DLGAP2: variants seen among roughly 807,000 people sequenced by gnomAD.
DLGAP2 encodes the protein DLG associated protein 2, also known as disks large-associated protein 2.
Under a neutral mutation model 100.3 loss-of-function variants are expected in DLGAP2, and 26 were observed. The ratio of observed to expected loss-of-function variants is 0.26; its 90% CI spans 0.19 to 0.36. The LOEUF (loss-of-function observed/expected upper bound fraction) is 0.36. Among genes scored for constraint, DLGAP2 ranks in the 10% least tolerant of loss-of-function variants. The pLI, the probability that DLGAP2 is intolerant of heterozygous loss-of-function variation, is 1.00. For missense variants in DLGAP2, 1,858 were observed against 1,453.2 expected (o/e 1.28, Z -4.53); for synonymous variants, 886 against 630.1 (o/e 1.41, Z -6.08).
intron 3 of DLGAP2, among the ~76,000 whole-genome samples, chr8:1,445,207 T>G (rs1327685562): frequency 6.7e-6 from 1 of 149,714 alleles, no homozygotes. Flanking sequence ...CATTTAGCAT[T>G]AGGTATATCT....
intron 2 of DLGAP2, among the ~76,000 whole-genome samples, chr8:1,035,978 T>C (rs1802107284): frequency 1.0e-5 from 1 of 99,276 alleles, no homozygotes; most frequent in African/African-American, 3.4e-5. Flanking sequence ...CGACCCCGCG[T>C]GTCACCGCGA....
chr8:1,556,055 C>T (rs185501776), intron 5 of DLGAP2, among the ~76,000 whole-genome samples: 188 of 152,318 alleles, frequency 1.2e-3, no homozygotes, highest in Middle Eastern at 6.8e-3. Context: ...TCAAGATGGT[C>T]GTGGATGCAG....
intron 2 of DLGAP2, among the ~76,000 whole-genome samples, chr8:1,180,258 A>G (rs906705906): frequency 2.0e-5 from 3 of 152,228 alleles, no homozygotes; most frequent in Non-Finnish European, 4.4e-5. Flanking sequence ...ACATATGTCC[A>G]TGTAACCCAC....
At chr8:797,797 CTGGAG>C (rs1167660403) in intron 1 of DLGAP2, among the ~76,000 whole-genome samples, 2 of 152,248 alleles carry the variant, frequency 1.3e-5, no homozygotes, top group African/African-American at 4.8e-5. Flanking sequence ...ATTGCCCAGG[CTGGAG>C]TGCAGGGGTG....
rs958630760 is a variant in DLGAP2, at chr8:1,176,685, G to C, written c.74-82166G>C. Among the ~76,000 whole-genome samples, 7 of 152,290 alleles carry C rather than the reference G, an allele frequency of 4.6e-5. 1 individual carries two copies. The highest frequency in any genetic ancestry group is 1.3e-4 in the Admixed American group (2 of 15,304). ...CAGGAAGGTGAAGGTCACCAGGGAG[G>C]CAGCCCAGGGCTCCGTCTGCCATGC... On this transcript the variant is annotated intron_variant, in intron 2 of 14. Coordinates refer to ENST00000637795, the MANE Select transcript of DLGAP2 (RefSeq NM_001346810.2).
At position 1,302,283 on chromosome 8, in the gene DLGAP2, ACCT is replaced by A. The variant is rs1800368071; in HGVS notation, c.106+43401_106+43403del. 1.4e-4 allele frequency: 18 copies of A among 129,878 alleles called. No individual in the cohort carries two copies. In the East Asian group the frequency reaches 3.5e-3, roughly 25 times the overall value. 8.0% of individuals were successfully genotyped at this position (129,878 alleles called of 1,614,324 possible). A position where few individuals can be genotyped will look rare whatever the true frequency, so the allele number is the denominator to read the frequency against. On this transcript the variant is annotated intron_variant, in intron 3 of 14. Coordinates refer to ENST00000637795, the MANE Select transcript of DLGAP2 (RefSeq NM_001346810.2). The stretch of plus-strand genomic sequence containing the variant: ...TGTGAGTTCCCGAGCTCTGCTCCAC[ACCT>A]GGGACCGGACTCGGAATTTTCTGTG...
chr8:1,140,099 G>A (rs192020017), intron 2 of DLGAP2, among the ~76,000 whole-genome samples: 6 of 152,172 alleles, frequency 3.9e-5, no homozygotes, highest in Admixed American at 1.3e-4. Context: ...CCAGTAAGAA[G>A]AATCATCTCC....
chr8:1,437,511 C>G (rs1201826758), intron 3 of DLGAP2, among the ~76,000 whole-genome samples: 4 of 152,112 alleles, frequency 2.6e-5, no homozygotes, highest in Non-Finnish European at 5.9e-5. Flanking sequence ...CTGACATCGA[C>G]CTAACCTCCT....
At chr8:1,492,053 C>T (rs1284125263) in intron 3 of DLGAP2, among the ~76,000 whole-genome samples, 1 of 152,294 alleles carries the variant, frequency 6.6e-6, no homozygotes, top group East Asian at 1.9e-4. Context: ...AGTGGGGTTG[C>T]TTCATTAGTG....
At chr8:1,459,623 C>T (rs1268433444) in intron 3 of DLGAP2, among the ~76,000 whole-genome samples, 1 of 151,748 alleles carries the variant, frequency 6.6e-6, no homozygotes, top group Non-Finnish European at 1.5e-5. Flanking sequence ...AGGCCTAGAG[C>T]ACTCACAGAG....
chr8:1,331,057 A>C (rs1000656413), intron 3 of DLGAP2, among the ~76,000 whole-genome samples: 5 of 152,114 alleles, frequency 3.3e-5, no homozygotes, highest in African/African-American at 1.2e-4. Context: ...AAGAGACTGC[A>C]ATGCCAGGGA....
At chr8:1,118,955 C>T (rs568790497) in intron 2 of DLGAP2, among the ~76,000 whole-genome samples, 3 of 152,138 alleles carry the variant, frequency 2.0e-5, no homozygotes, top group African/African-American at 7.2e-5. Context: ...AATAATTTAT[C>T]GTTTGATGTT....
intron 3 of DLGAP2, among the ~76,000 whole-genome samples, chr8:1,446,444 G>T (rs903273203): frequency 6.6e-6 from 1 of 152,144 alleles, no homozygotes; most frequent in African/African-American, 2.4e-5. Context: ...CTGTTCCATT[G>T]ATCTATAGCT....
chr8:1,151,505 A>G (rs1381765463), intron 2 of DLGAP2, among the ~76,000 whole-genome samples: 1 of 152,166 alleles, frequency 6.6e-6, no homozygotes, highest in African/African-American at 2.4e-5. Context: ...GGGTTATCTT[A>G]GTAAGGCTTG....
chr8:831,584 A>C (rs185219902), intron 1 of DLGAP2, among the ~76,000 whole-genome samples: 1 of 152,290 alleles, frequency 6.6e-6, no homozygotes. Flanking sequence ...CATGGTGTAT[A>C]TGTGCCACAT....
At chr8:1,505,799 C>A (rs538550270) in intron 4 of DLGAP2, among the ~76,000 whole-genome samples, 17 of 152,060 alleles carry the variant, frequency 1.1e-4, no homozygotes, top group Non-Finnish European at 2.2e-4. Flanking sequence ...TATGACGTTA[C>A]TTCTAAGAAT....
At chr8:1,514,335 C>G (rs1202429840) in intron 4 of DLGAP2, among the ~76,000 whole-genome samples, 1 of 152,232 alleles carries the variant, frequency 6.6e-6, no homozygotes, top group Non-Finnish European at 1.5e-5. Context: ...CCCAACAGCC[C>G]AGGTGTTTTC....
chr8:1,575,932 G>A (rs1234528817), intron 6 of DLGAP2, among the ~76,000 whole-genome samples: 1 of 152,070 alleles, frequency 6.6e-6, no homozygotes, highest in East Asian at 1.9e-4. Flanking sequence ...AAACATACAT[G>A]TGCATGTGCC....
chr8:1,012,887 T>A (rs1011236496), intron 2 of DLGAP2, among the ~76,000 whole-genome samples: 1 of 151,618 alleles, frequency 6.6e-6, no homozygotes, highest in African/African-American at 2.4e-5. Context: ...CACTGTCCCA[T>A]GAGTATGTGT....
Sources: allele counts gnomAD v4.1 joint callset (sites outside exome capture counted in the v4.1 genomes callset), GRCh38; gene constraint gnomAD v4.1.1; transcripts MANE v1.5; gene names NCBI Gene and HGNC (gene_info 2026-07-23, HGNC 2026-07-21).